The following SEL1L2 variants were observed in gnomAD, a reference collection of about 807,000 sequenced individuals.
SEL1L2 encodes SEL1L2 adaptor subunit of SYVN1 ubiquitin ligase.
A neutral mutation model predicts 98.8 loss-of-function variants in SEL1L2; 89 were observed. The ratio of observed to expected loss-of-function variants is 0.90; its 90% CI spans 0.76 to 1.07. SEL1L2 has a LOEUF of 1.07. SEL1L2 is among the 50% of genes least tolerant of loss of function. The pLI, the probability that SEL1L2 is intolerant of heterozygous loss-of-function variation, is 0.00. For missense variants in SEL1L2, 788 were observed against 812.0 expected, an observed-to-expected ratio of 0.97 and a Z score of 0.36; for synonymous variants, 262 against 278.5, an observed-to-expected ratio of 0.94 and a Z score of 0.59.
At chr20:13,974,078 T>C (rs2051412397) in intron 1 of SEL1L2, among the ~76,000 whole-genome samples, 1 of 152,172 alleles carries the variant, frequency 6.6e-6, no homozygotes, top group South Asian at 2.1e-4. Flanking sequence ...TTCTATCTTC[T>C]TTGTGTGGCC....
chr20:13,987,336 T>C (rs62207750), intron 1 of SEL1L2, among the ~76,000 whole-genome samples: 10,114 of 147,290 alleles, frequency 0.069, 396 homozygotes, highest in Non-Finnish European at 0.079. Flanking sequence ...TTTTTTGTTG[T>C]TGTTGTTGTT....
At position 13,949,169 on chromosome 20, in the gene SEL1L2, T is replaced by C. The variant is rs539270118; in HGVS notation, c.114+6907A>G. Among the ~76,000 whole-genome samples the C allele has an allele frequency of 2.9e-4, 44 of 152,294 alleles. No individual in the cohort carries two copies. In the East Asian group the frequency reaches 7.7e-3, roughly 27 times the overall value. On this transcript the variant is annotated intron_variant, in intron 2 of 19. Coordinates refer to ENST00000284951, the MANE Select transcript of SEL1L2 (RefSeq NM_025229.2). ...ATAAGAAGTTAATATCCAGAATATA[T>C]TTTAAAACTTCTACAACTCACCAAA...
At chr20:13,947,876 T>G (rs956835404) in intron 2 of SEL1L2, among the ~76,000 whole-genome samples, 1 of 152,258 alleles carries the variant, frequency 6.6e-6, no homozygotes, top group Non-Finnish European at 1.5e-5. Context: ...CTGCCCACTC[T>G]GCCACAGCAG....
chr20:13,975,112 T>G (rs758627673), intron 1 of SEL1L2, among the ~76,000 whole-genome samples: 10 of 152,176 alleles, frequency 6.6e-5, no homozygotes, highest in African/African-American at 1.2e-4. Flanking sequence ...TTTTATGGGC[T>G]GATAAATGAT....
intron 12 of SEL1L2, among the ~76,000 whole-genome samples, chr20:13,871,552 C>T (rs1254403285): frequency 6.6e-6 from 1 of 151,626 alleles, no homozygotes; most frequent in Admixed American, 6.6e-5. Context: ...CACTCTGTTG[C>T]CCAGGCTGGA....
In SEL1L2 at chr20:13,885,457, G is replaced by T. The variant is rs2046908089; in HGVS notation, c.901-54C>A. The T allele has an allele frequency of 5.1e-6, 6 of 1,168,988 alleles. No homozygotes were observed. The Admixed American group carries it at 6.8e-5, about 13-fold the overall frequency. 72.4% of individuals were successfully genotyped at this position (1,168,988 alleles called of 1,614,324 possible). ...TAGCAGCAGTATTACTTTAAATAAA[G>T]AAAACATTTATGTGGTGATTTTACT... On this transcript the variant is annotated intron_variant, in intron 9 of 19. Coordinates refer to ENST00000284951, the MANE Select transcript of SEL1L2 (RefSeq NM_025229.2).
chr20:13,975,202 C>T (rs1251386398), intron 1 of SEL1L2, among the ~76,000 whole-genome samples: 1 of 152,100 alleles, frequency 6.6e-6, no homozygotes, highest in Non-Finnish European at 1.5e-5. Context: ...CTGATTGTCA[C>T]TATTAGAGTT....
intron 10 of SEL1L2, among the ~76,000 whole-genome samples, chr20:13,881,653 C>T (rs751339131): frequency 1.3e-5 from 2 of 152,084 alleles, no homozygotes; most frequent in South Asian, 2.1e-4. Flanking sequence ...AGGGTAAAAA[C>T]GTTTTCTGTG....
chr20:13,942,970 C>T (rs1022070590), intron 2 of SEL1L2, among the ~76,000 whole-genome samples: 1 of 152,110 alleles, frequency 6.6e-6, no homozygotes, highest in Non-Finnish European at 1.5e-5. Flanking sequence ...TCTCAGGATA[C>T]ATTTTCCTAA....
In SEL1L2 at chr20:13,982,556, A is replaced by G. The variant is rs974968611; in HGVS notation, c.58+7921T>C. Among the ~76,000 whole-genome samples, 34 of 151,086 alleles carry G rather than the reference A, an allele frequency of 2.3e-4. 1 individual carries two copies. Among genetic ancestry groups the G allele is most frequent in the Admixed American group, 5.3e-4 (8 of 15,170 alleles). On this transcript the variant is annotated intron_variant, in intron 1 of 19. Transcript: ENST00000284951. ...ATATTCCGAGACAGTAGCAAGTTCT[A>G]TCATTGTAAACAAAAAATTAAAAAA...
At chr20:13,972,421 CTG>C (rs1277546010) in intron 1 of SEL1L2, among the ~76,000 whole-genome samples, 1 of 152,126 alleles carries the variant, frequency 6.6e-6, no homozygotes, top group African/African-American at 2.4e-5. Context: ...AAAGAAATCT[CTG>C]TGATTGTTGT....
intron 2 of SEL1L2, among the ~76,000 whole-genome samples, chr20:13,955,418 C>T (rs539001506): frequency 2.0e-5 from 3 of 151,788 alleles, no homozygotes; most frequent in East Asian, 1.9e-4. Flanking sequence ...AGAGAGAACA[C>T]GAAAGGGGGG....
chr20:13,961,778 G>C (rs1471144882), intron 1 of SEL1L2, among the ~76,000 whole-genome samples: 1 of 152,186 alleles, frequency 6.6e-6, no homozygotes, highest in African/African-American at 2.4e-5. Flanking sequence ...CCGGAGGGTA[G>C]AACTGGGCCC....
intron 1 of SEL1L2, among the ~76,000 whole-genome samples, chr20:13,978,591 T>C (rs781212135): frequency 9.9e-5 from 15 of 152,156 alleles, no homozygotes; most frequent in Non-Finnish European, 2.1e-4. Flanking sequence ...ATCAGTATAC[T>C]GAAGAGACAC....
intron 1 of SEL1L2, among the ~76,000 whole-genome samples, chr20:13,965,692 C>T (rs1287498821): frequency 2.6e-5 from 4 of 152,136 alleles, no homozygotes; most frequent in Non-Finnish European, 2.9e-5. Flanking sequence ...CAGTGGCTCA[C>T]GCCTGTAACC....
chr20:13,965,579 C>A (rs373932320), intron 1 of SEL1L2, among the ~76,000 whole-genome samples: 31 of 152,274 alleles, frequency 2.0e-4, no homozygotes, highest in Middle Eastern at 3.4e-3. Flanking sequence ...TAATTGTTCT[C>A]ATTTTAATCT....
At chr20:13,927,293 A>G (rs968703618) in intron 3 of SEL1L2, among the ~76,000 whole-genome samples, 1 of 152,234 alleles carries the variant, frequency 6.6e-6, no homozygotes, top group Non-Finnish European at 1.5e-5. Flanking sequence ...AGCTCTCTAC[A>G]AAAAGAATTC....
intron 2 of SEL1L2, among the ~76,000 whole-genome samples, chr20:13,935,087 T>G (rs1315692494): frequency 6.6e-6 from 1 of 152,228 alleles, no homozygotes; most frequent in Non-Finnish European, 1.5e-5. Flanking sequence ...CTGTCTGATG[T>G]TTCTACTGGC....
In SEL1L2 at chr20:13,866,732, T is replaced by A; in HGVS notation, c.1374A>T (p.Gly458=). 1 of 1,604,826 alleles carries A rather than the reference T, an allele frequency of 6.2e-7. No individual in the cohort carries two copies. The highest frequency in any genetic ancestry group is 8.5e-7 in the Non-Finnish European group (1 of 1,177,062). Residue 458 remains glycine, a synonymous_variant, in exon 15 of 20, where the codon GGA becomes GGT. Coordinates refer to ENST00000284951, the MANE Select transcript of SEL1L2 (RefSeq NM_025229.2). ...YLAKMYATGT[G]VVRSCRTAVE... ...CAGCAGTTCTGCATGATCTTACTAC[T>A]CCTGTTCCTGTTGCATACATCTTGG...
Sources: allele counts gnomAD v4.1 joint callset (sites outside exome capture counted in the v4.1 genomes callset), GRCh38; gene constraint gnomAD v4.1.1; transcripts MANE v1.5; gene names NCBI Gene and HGNC (gene_info 2026-07-23, HGNC 2026-07-21).